Variants in CCNB3 observed in about 807,000 individuals in gnomAD.
CCNB3 encodes G2/mitotic-specific cyclin-B3.
Under a neutral mutation model 68.0 loss-of-function variants are expected in CCNB3, and 12 were observed. That is an observed-to-expected ratio of 0.18 (90% confidence interval 0.11 to 0.29). The LOEUF (loss-of-function observed/expected upper bound fraction) is 0.29. CCNB3 is among the 10% of genes least tolerant of loss of function. CCNB3 has a pLI of 1.00. For synonymous variants in CCNB3, 354 were observed against 388.9 expected, an observed-to-expected ratio of 0.91 and a Z score of 1.06; for missense variants, 904 against 993.1, an observed-to-expected ratio of 0.91 and a Z score of 1.21.
chrX:50,342,093 A>G, intron 8 of CCNB3, 109 bp from the exon 9 acceptor site: 1 of 898,467 alleles, frequency 1.1e-6, no homozygotes, highest in Non-Finnish European at 1.6e-6. Flanking sequence ...AGTCCCAGCT[A>G]GTCAGGACTG....
chrX:50,334,717 T>C (rs1922765896), intron 8 of CCNB3, among the ~76,000 whole-genome samples: 1 of 112,355 alleles, frequency 8.9e-6, no homozygotes, highest in African/African-American at 3.2e-5. Flanking sequence ...ACATAAGTTT[T>C]TCCTTTAACT....
At chrX:50,345,542 C>T (rs1923360216) in intron 9 of CCNB3, among the ~76,000 whole-genome samples, 1 of 110,666 alleles carries the variant, frequency 9.0e-6, no homozygotes. Context: ...TCTTTTTCTT[C>T]CTTGCCCACT....
rs1174307858 is a variant in CCNB3 at position 50,226,552 on chromosome X, A to G, written c.-113+21602A>G. On this transcript the variant is annotated intron_variant, in intron 1 of 12. Transcript: ENST00000376042. ...ATATAGAATATATGAATATATATAT[A>G]GAATATATATATAAATATATATAGA... Among the ~76,000 whole-genome samples the G allele has an allele frequency of 6.3e-5, 5 of 79,626 alleles. No individual in the cohort carries two copies. The East Asian group carries it at 1.8e-3, about 29-fold the overall frequency. The allele number at this position is 79,626 out of a possible 115,157, so 69.1% of individuals were successfully genotyped here.
At chrX:50,287,576 G>C (rs1165876639) in intron 3 of CCNB3, among the ~76,000 whole-genome samples, 3 of 111,868 alleles carry the variant, frequency 2.7e-5, no homozygotes, top group African/African-American at 6.5e-5. Flanking sequence ...AGAAAATTGA[G>C]GATTAGAGAT....
At chrX:50,207,081 C>T (rs1557205619) in intron 1 of CCNB3, among the ~76,000 whole-genome samples, 1 of 111,783 alleles carries the variant, frequency 8.9e-6, no homozygotes, top group African/African-American at 3.3e-5. Context: ...AGAATCACTC[C>T]CCATCCTAAA....
chrX:50,211,980 C>G (rs1256106739), intron 1 of CCNB3, among the ~76,000 whole-genome samples: 2 of 112,100 alleles, frequency 1.8e-5, no homozygotes, highest in Non-Finnish European at 3.8e-5. Flanking sequence ...CATGTGTTTA[C>G]ACACTCAGTA....
chrX:50,342,076 G>T (rs1359386187), intron 8 of CCNB3, 126 bp from the exon 9 acceptor site: 1 of 760,592 alleles, frequency 1.3e-6, no homozygotes, highest in African/African-American at 2.1e-5. Flanking sequence ...TTCTGTATTC[G>T]TAGCAGAGTC....
rs1169508889 is a variant in CCNB3, at chrX:50,226,763, G to A, written c.-113+21813G>A. ...GTACATAGAATATACATATGAATAT[G>A]TACATAGAATATATATATGAATATG... On this transcript the variant is annotated intron_variant, in intron 1 of 12. Coordinates refer to ENST00000376042, the MANE Select transcript of CCNB3 (RefSeq NM_033031.3). Among the ~76,000 whole-genome samples, 15 of 72,226 alleles carry A rather than the reference G, an allele frequency of 2.1e-4. 1 individual carries two copies. The South Asian group carries it at 8.5e-3, about 41-fold the overall frequency. 62.7% of individuals were successfully genotyped at this position (72,226 alleles called of 115,157 possible).
chrX:50,219,180 A>C (rs1935631901), intron 1 of CCNB3, among the ~76,000 whole-genome samples: 1 of 111,713 alleles, frequency 9.0e-6, no homozygotes, highest in Non-Finnish European at 1.9e-5. Context: ...GCCCTTTGTC[A>C]GATGGATAGA....
chrX:50,285,935 C>T (rs906831218), intron 3 of CCNB3, among the ~76,000 whole-genome samples: 5 of 111,853 alleles, frequency 4.5e-5, no homozygotes, highest in African/African-American at 9.7e-5. Flanking sequence ...GTAAATTTTT[C>T]GAGAAAGATT....
chrX:50,312,045 T>C (rs1447494966), intron 6 of CCNB3, among the ~76,000 whole-genome samples: 1 of 110,169 alleles, frequency 9.1e-6, no homozygotes, highest in Non-Finnish European at 1.9e-5. Context: ...TAGGAGCATC[T>C]CCCAAGGAAG....
intron 8 of CCNB3, among the ~76,000 whole-genome samples, chrX:50,317,056 A>C (rs1557215865): frequency 2.7e-5 from 3 of 112,721 alleles, no homozygotes; most frequent in Non-Finnish European, 5.6e-5. Context: ...CCTCCAATGC[A>C]TGAGAGTTCT....
intron 3 of CCNB3, among the ~76,000 whole-genome samples, chrX:50,286,685 C>G (rs1936244942): frequency 1.0e-5 from 1 of 97,047 alleles, no homozygotes; most frequent in Non-Finnish European, 2.0e-5. Flanking sequence ...TAGTCTTGCT[C>G]TGTCACCAGG....
chrX:50,305,019 G>A (rs1202008360), intron 5 of CCNB3, among the ~76,000 whole-genome samples: 1 of 111,551 alleles, frequency 9.0e-6, no homozygotes, highest in Non-Finnish European at 1.9e-5. Context: ...GTGCTGGAGA[G>A]GATGTGGAGA....
intron 1 of CCNB3, among the ~76,000 whole-genome samples, chrX:50,211,536 CT>C (rs2146976142): frequency 9.0e-6 from 1 of 110,981 alleles, no homozygotes; most frequent in Non-Finnish European, 1.9e-5. Flanking sequence ...AAATATTAGC[CT>C]GGTGTTGTGG....
chrX:50,228,254 C>T (rs1242235257), intron 1 of CCNB3, among the ~76,000 whole-genome samples: 1 of 85,529 alleles, frequency 1.2e-5, no homozygotes, highest in Non-Finnish European at 2.2e-5. Flanking sequence ...TATATAAATA[C>T]ATAGAATATA....
At chrX:50,318,484 G>C (rs1415613873) in intron 8 of CCNB3, among the ~76,000 whole-genome samples, 1 of 111,593 alleles carries the variant, frequency 9.0e-6, no homozygotes, top group Non-Finnish European at 1.9e-5. Flanking sequence ...CTGCACTCCA[G>C]CCTGGGCGAT....
intron 5 of CCNB3, among the ~76,000 whole-genome samples, chrX:50,301,967 G>A (rs1301502231): frequency 8.9e-6 from 1 of 112,783 alleles, no homozygotes; most frequent in Non-Finnish European, 1.9e-5. Context: ...TGTGCCATTT[G>A]TTAAGCCTGT....
intron 9 of CCNB3, among the ~76,000 whole-genome samples, chrX:50,343,400 A>T (rs782748344): frequency 2.7e-5 from 3 of 112,240 alleles, no homozygotes; most frequent in South Asian, 3.7e-4. Context: ...TTAATAAAAA[A>T]GTTTAAAAAG....
Sources: allele counts gnomAD v4.1 joint callset (sites outside exome capture counted in the v4.1 genomes callset), GRCh38; gene constraint gnomAD v4.1.1; transcripts MANE v1.5; gene names NCBI Gene and HGNC (gene_info 2026-07-23, HGNC 2026-07-21).